CDCA5: variants seen among roughly 807,000 people sequenced by gnomAD.
CDCA5 encodes the protein cell division cycle associated 5, also known as sororin.
Under a neutral mutation model 25.7 loss-of-function variants are expected in CDCA5, and 14 were observed. The ratio of observed to expected loss-of-function variants is 0.54; its 90% CI spans 0.36 to 0.85. The LOEUF (loss-of-function observed/expected upper bound fraction) is 0.85, where lower values mean the gene tolerates loss of function less well. CDCA5 is among the 40% of genes least tolerant of loss of function. The pLI, the probability that CDCA5 is intolerant of heterozygous loss-of-function variation, is 0.01. For missense variants in CDCA5, 307 were observed against 324.5 expected (o/e 0.95, Z 0.41); for synonymous variants, 127 against 128.7 (o/e 0.99, Z 0.09).
chr11:65,079,561 G>A lies in CDCA5; in HGVS notation c.470C>T (p.Thr157Ile), dbSNP rs767264827. The A allele has an allele frequency of 6.2e-7, 1 of 1,614,094 alleles. No individual in the cohort carries two copies. Among genetic ancestry groups the A allele is most frequent in the Non-Finnish European group, 8.5e-7 (1 of 1,179,998 alleles). Residue 157 changes from threonine (T) to isoleucine (I), a missense_variant, in exon 5 of 6, where the codon ACC becomes ATC. Coordinates refer to ENST00000275517, the MANE Select transcript of CDCA5 (RefSeq NM_080668.4). ...GCAGGACCGGCGGCCTGGGGTGGAG[G>A]TAGAGGCAGAGCCCAGGGTCTCCAG... is the stretch of plus-strand genomic sequence containing the variant. ...SRLETLGSAS[T>I]STPGRRSCFG...
downstream of CDCA5, among the ~76,000 whole-genome samples, chr11:65,065,431 G>A (rs1947223962): frequency 6.6e-6 from 1 of 152,036 alleles, no homozygotes; most frequent in African/African-American, 2.4e-5. Context: ...GGGATTACAG[G>A]CACGTGCCAC....
rs527732263 is a variant in CDCA5, at chr11:65,067,216, CTGTAGG to C, written c.369-343_369-338del. ...GTATAGGGCTAGCCGCTCCTTTGGG[CTGTAGG>C]CAGGGTTGCAACAGGATTCTCTGTG... On this transcript the variant is annotated intron_variant, in intron 4 of 6. Coordinates refer to the CDCA5 transcript ENST00000525464. Among the ~76,000 whole-genome samples, 41 of 152,356 alleles carry C rather than the reference CTGTAGG, an allele frequency of 2.7e-4. No homozygotes were observed. In the South Asian group the frequency reaches 8.1e-3, roughly 30 times the overall value.
At position 65,079,452 on chromosome 11, in the gene CDCA5, C is replaced by T. The variant is rs757074476; in HGVS notation, c.579G>A (p.Arg193=). ...VVCSKLTEVP[R]VCAKPWAPDM... The stretch of plus-strand genomic sequence containing the variant: ...CTGGGGCCCAGGGCTTTGCACAAAC[C>T]CTGGGGACCTCGGTGAGTTTGGAGC... Residue 193 remains arginine (R), a synonymous_variant, in exon 5 of 6, where the codon AGG becomes AGA. Transcript: ENST00000275517. 5.6e-6 allele frequency: 9 copies of T among 1,613,942 alleles called. No individual in the cohort carries two copies. Among genetic ancestry groups the T allele is most frequent in the Non-Finnish European group, 6.8e-6 (8 of 1,180,008 alleles).
At chr11:65,079,317 G>A (rs926076433) in intron 5 of CDCA5, 36 bp downstream of exon 5, 1 of 1,613,778 alleles carries the variant, frequency 6.2e-7, no homozygotes, top group African/African-American at 1.3e-5. Flanking sequence ...GTCTCCCAGA[G>A]CACACGGCAG....
downstream of CDCA5, among the ~76,000 whole-genome samples, chr11:65,062,006 T>C (rs1947191438): frequency 6.9e-6 from 1 of 144,068 alleles, no homozygotes; most frequent in Non-Finnish European, 1.5e-5. Flanking sequence ...CCGCAACCTC[T>C]GCCTCCCAGG....
chr11:65,079,845 G>T, intron 4 of CDCA5, 58 bp from the exon 5 acceptor site: 1 of 1,295,200 alleles, frequency 7.7e-7, no homozygotes, highest in Non-Finnish European at 1.0e-6. Context: ...CTTACTTCCA[G>T]AAAAGCCCGA....
chr11:65,073,832 C>T (rs1010545266), downstream of CDCA5, among the ~76,000 whole-genome samples: 1 of 152,200 alleles, frequency 6.6e-6, no homozygotes, highest in African/African-American at 2.4e-5. Context: ...AGGGGAGGGC[C>T]TGCAGATGGA....
chr11:65,083,304 G>A, intron 4 of CDCA5, 60 bp downstream of exon 4: 1 of 1,593,062 alleles, frequency 6.3e-7, no homozygotes, highest in Non-Finnish European at 8.6e-7. Flanking sequence ...GCCAATGTGT[G>A]CTGTCCAGCT....
In CDCA5 at chr11:65,067,711, G is replaced by A. The variant is rs1397117535; in HGVS notation, c.312C>T (p.Asp104=). The stretch of plus-strand genomic sequence containing the variant: ...CCTTTGAGGTCCGCTGGGGGCCCCA[G>A]TCCTCCTGATCTAAGAACTGGTACT... The change falls in exon 4 of 7, where the codon GAC becomes GAT. Residue 104 remains aspartate (D), a synonymous_variant. Coordinates refer to the CDCA5 transcript ENST00000525464. 1.1e-5 allele frequency: 14 copies of A among 1,289,754 alleles called. No homozygotes were observed. The East Asian group carries it at 7.8e-4, about 72-fold the overall frequency. The allele number at this position is 1,289,754 out of a possible 1,614,324, so 79.9% of individuals were successfully genotyped here. A position where few individuals can be genotyped will look rare whatever the true frequency, so the allele number is the denominator to read the frequency against.
exon 6 of CDCA5, chr11:65,066,564 A>G: frequency 1.6e-6 from 2 of 1,288,858 alleles, no homozygotes; most frequent in Non-Finnish European, 2.0e-6. Context: ...GAGCAGAGCC[A>G]CCTCCGGCAG....
intron 4 of CDCA5, among the ~76,000 whole-genome samples, chr11:65,080,565 ACT>A (rs1947545037): frequency 6.6e-6 from 1 of 151,614 alleles, no homozygotes; most frequent in Non-Finnish European, 1.5e-5. Context: ...GGCATGTGAC[ACT>A]CTGTCTGGCT....
rs937382401 is a variant in CDCA5 at position 65,079,423 on chromosome 11, A to G, written c.608T>C (p.Met203Thr). 2 of 1,613,980 alleles carry G rather than the reference A, an allele frequency of 1.2e-6. No individual in the cohort carries two copies. Among genetic ancestry groups the G allele is most frequent in the Non-Finnish European group, 1.7e-6 (2 of 1,179,990 alleles). The part of the protein sequence containing the change: ...RVCAKPWAPD[M>T]TLPGISPPPE... ...TGGTGGGGAGATTCCAGGGAGAGTC[A>G]TGTCTGGGGCCCAGGGCTTTGCACA... The change falls in exon 5 of 6, where the codon ATG becomes ACG. Residue 203 changes from methionine to threonine, a missense_variant. Physicochemically the swap from Met to Thr is moderately conservative, Grantham distance 81. Coordinates refer to ENST00000275517, the MANE Select transcript of CDCA5 (RefSeq NM_080668.4).
At chr11:65,062,779 A>G (rs1419796929), downstream of CDCA5, among the ~76,000 whole-genome samples, 3 of 152,096 alleles carry the variant, frequency 2.0e-5, no homozygotes, top group Non-Finnish European at 2.9e-5. Context: ...AAATACATAA[A>G]TAAAATAAAA....
At chr11:65,061,168 TC>T in the CDCA5 span, among the ~76,000 whole-genome samples, 2 of 152,192 alleles carry the variant, frequency 1.3e-5, no homozygotes, top group Non-Finnish European at 2.9e-5. Context: ...TCACGTGGCC[TC>T]CCGGACACCA....
rs1391652141 is a variant in CDCA5, at chr11:65,079,756, G to C, written c.275C>G (p.Pro92Arg). ...ISFFLEKENE[P>R]PGRELTKEDL... ...CTCCTTAGTAAGCTCCCTGCCAGGG[G>C]GCTCGTTTTCTTTCTCCAAGAAAAA... The change falls in exon 5 of 6, where the codon CCC (proline) becomes CGC (arginine). Residue 92 changes from proline (P) to arginine (R), a missense_variant. Transcript: ENST00000275517. 6.7e-7 allele frequency: 1 copy of C among 1,485,726 alleles called. No homozygotes were observed. Among genetic ancestry groups the C allele is most frequent in the Admixed American group, 2.5e-5 (1 of 39,326 alleles). The allele number at this position is 1,485,726 out of a possible 1,614,324, so 92.0% of individuals were successfully genotyped here.
chr11:65,062,712 G>T (rs758236133), downstream of CDCA5, among the ~76,000 whole-genome samples: 2 of 152,082 alleles, frequency 1.3e-5, no homozygotes, highest in African/African-American at 4.8e-5. Flanking sequence ...CAGGAAGATC[G>T]CTTGAGTCCA....
chr11:65,076,292 T>C (rs1947443640), downstream of CDCA5, among the ~76,000 whole-genome samples: 2 of 28,128 alleles, frequency 7.1e-5, no homozygotes, highest in East Asian at 1.6e-3. Context: ...TTTTTTTACA[T>C]TTTTTGTAGT....
chr11:65,079,672 G>A lies in CDCA5; in HGVS notation c.359C>T (p.Pro120Leu), dbSNP rs760541197. ...ATPTSTPVPN[P>L]EAESSSKEGE... Reference sequence around the variant, plus strand: ...TTCCTTGGAGCTGGACTCGGCCTCAGGGTTCGGCACAGGAGTGCTGGTGGG... The same window carrying A: ...TTCCTTGGAGCTGGACTCGGCCTCAAGGTTCGGCACAGGAGTGCTGGTGGG... Residue 120 changes from proline to leucine, a missense_variant, in exon 5 of 6, where the codon CCT (proline) becomes CTT (leucine). By Grantham distance (98) the Pro-to-Leu change is moderately conservative. Transcript: ENST00000275517. 1.9e-6 allele frequency: 3 copies of A among 1,601,442 alleles called. No homozygotes were observed. The African/African-American group carries it at 4.0e-5, about 21-fold the overall frequency.
At chr11:65,072,531 G>A (rs1161230927), downstream of CDCA5, among the ~76,000 whole-genome samples, 1 of 152,216 alleles carries the variant, frequency 6.6e-6, no homozygotes, top group Non-Finnish European at 1.5e-5. Context: ...TTTGTGCTGT[G>A]GGAGGCTCAT....
Sources: allele counts gnomAD v4.1 joint callset (sites outside exome capture counted in the v4.1 genomes callset), GRCh38; gene constraint gnomAD v4.1.1; transcripts MANE v1.5; gene names NCBI Gene and HGNC (gene_info 2026-07-23, HGNC 2026-07-21).